The following RELL1 variants were observed in gnomAD, a reference collection of about 807,000 sequenced individuals.
The protein encoded by RELL1 is RELT-like protein 1.
Under a neutral mutation model 23.0 loss-of-function variants are expected in RELL1, and 10 were observed. That is an observed-to-expected ratio of 0.43 (90% CI 0.27 to 0.74). The LOEUF is 0.74. RELL1 is among the 30% of genes least tolerant of loss of function. The pLI is 0.19. For missense variants in RELL1, 315 were observed against 364.4 expected (o/e 0.86, Z 1.10); for synonymous variants, 146 against 146.8 (o/e 0.99, Z 0.04).
chr4:37,673,564 T>G (rs1199853873), intron 1 of RELL1, among the ~76,000 whole-genome samples: 1 of 152,224 alleles, frequency 6.6e-6, no homozygotes, highest in Admixed American at 6.5e-5. Context: ...AAATTGTTTC[T>G]ATCTGCATAT....
chr4:37,630,075 G>A (rs1285541059), intron 6 of RELL1, among the ~76,000 whole-genome samples: 1 of 152,064 alleles, frequency 6.6e-6, no homozygotes, highest in Non-Finnish European at 1.5e-5. Context: ...TGACTCCAGG[G>A]TTCATGTCAG....
At chr4:37,588,675 G>T, downstream of RELL1, 1 of 565,720 alleles carries the variant, frequency 1.8e-6, no homozygotes, top group Non-Finnish European at 3.2e-6. Flanking sequence ...GATGGAAATG[G>T]GGTATTCCTG....
chr4:37,591,139 T>C (rs1290333724), exon 7 of RELL1: 1 of 684,666 alleles, frequency 1.5e-6, no homozygotes, highest in Non-Finnish European at 2.4e-6. Flanking sequence ...GCATCTGTTC[T>C]GATTGTCAGC....
downstream of RELL1, chr4:37,589,941 A>G (rs1031638959): frequency 2.0e-4 from 144 of 737,476 alleles, no homozygotes; most frequent in Non-Finnish European, 1.5e-4. Flanking sequence ...TATACCAACT[A>G]TATCTATTTG....
intron 1 of RELL1, among the ~76,000 whole-genome samples, chr4:37,681,757 G>A (rs1333682483): frequency 6.6e-6 from 1 of 152,002 alleles, no homozygotes; most frequent in Non-Finnish European, 1.5e-5. Context: ...TTGAACTCCT[G>A]ACCTCGTGAT....
At chr4:37,627,566 T>A (rs1249166446) in intron 6 of RELL1, among the ~76,000 whole-genome samples, 3 of 152,076 alleles carry the variant, frequency 2.0e-5, no homozygotes, top group Non-Finnish European at 2.9e-5. Flanking sequence ...GGGGAGGCCA[T>A]GCCCAACATC....
intron 1 of RELL1, among the ~76,000 whole-genome samples, chr4:37,651,915 C>T (rs1035285260): frequency 2.0e-5 from 3 of 152,158 alleles, no homozygotes; most frequent in Admixed American, 1.3e-4. Flanking sequence ...TTCTTGGGTG[C>T]GCTACAAGAG....
intron 1 of RELL1, among the ~76,000 whole-genome samples, chr4:37,678,954 A>C (rs1004789352): frequency 2.6e-5 from 4 of 152,166 alleles, no homozygotes; most frequent in African/African-American, 9.7e-5. Context: ...GAAATGGGAG[A>C]TACCTGGCTG....
chr4:37,644,040 T>C (rs557296756), intron 3 of RELL1, among the ~76,000 whole-genome samples: 5 of 151,984 alleles, frequency 3.3e-5, no homozygotes, highest in Admixed American at 3.3e-4. Flanking sequence ...GAGAATAAGA[T>C]AGAAGGCAAA....
At chr4:37,617,891 G>A (rs1560330897) in intron 6 of RELL1, among the ~76,000 whole-genome samples, 1 of 152,164 alleles carries the variant, frequency 6.6e-6, no homozygotes, top group African/African-American at 2.4e-5. Context: ...TTTGCAGAGG[G>A]CTCTTGTAAT....
chr4:37,668,461 G>A (rs1577603712), intron 1 of RELL1, among the ~76,000 whole-genome samples: 1 of 152,046 alleles, frequency 6.6e-6, no homozygotes. Context: ...CGAGTGATCC[G>A]CCAGCCTCGG....
chr4:37,663,079 G>C (rs1208227870), intron 1 of RELL1, among the ~76,000 whole-genome samples: 1 of 152,144 alleles, frequency 6.6e-6, no homozygotes, highest in Admixed American at 6.5e-5. Context: ...ACATCAGTGG[G>C]GTCCTCAGAG....
chr4:37,680,348 C>T (rs561657492), intron 1 of RELL1, among the ~76,000 whole-genome samples: 18 of 152,230 alleles, frequency 1.2e-4, no homozygotes, highest in African/African-American at 4.3e-4. Context: ...TTTCAGGAAC[C>T]CATTTTCTGT....
chr4:37,662,710 G>C (rs1721397882), intron 1 of RELL1, among the ~76,000 whole-genome samples: 1 of 152,058 alleles, frequency 6.6e-6, no homozygotes, highest in South Asian at 2.1e-4. Context: ...TTTACCATTT[G>C]AAGTTATTTC....
At chr4:37,587,541 A>G (rs553787710), downstream of RELL1, among the ~76,000 whole-genome samples, 1 of 152,310 alleles carries the variant, frequency 6.6e-6, no homozygotes, top group Non-Finnish European at 1.5e-5. Flanking sequence ...AAATTCACCT[A>G]TGATTGAAAG....
intron 1 of RELL1, among the ~76,000 whole-genome samples, chr4:37,650,774 C>T (rs1335371535): frequency 7.4e-6 from 1 of 134,236 alleles, no homozygotes; most frequent in African/African-American, 2.9e-5. Flanking sequence ...TACAATGTGG[C>T]CAACTGAGAT....
At chr4:37,655,303 C>A (rs202046627) in intron 1 of RELL1, among the ~76,000 whole-genome samples, 1 of 151,786 alleles carries the variant, frequency 6.6e-6, no homozygotes, top group East Asian at 1.9e-4. Context: ...ATTTTGTCAC[C>A]CCCTCCTAAA....
intron 1 of RELL1, among the ~76,000 whole-genome samples, chr4:37,653,843 G>C (rs1177975171): frequency 6.6e-6 from 1 of 152,192 alleles, no homozygotes. Flanking sequence ...TCCCTGTGGA[G>C]AGAAAATAGC....
intron 1 of RELL1, among the ~76,000 whole-genome samples, chr4:37,650,375 T>C (rs1720880831): frequency 6.6e-6 from 1 of 152,212 alleles, no homozygotes; most frequent in Non-Finnish European, 1.5e-5. Context: ...ATTGAATGCA[T>C]GCCAGTTATG....
Sources: allele counts gnomAD v4.1 joint callset (sites outside exome capture counted in the v4.1 genomes callset), GRCh38; gene constraint gnomAD v4.1.1; transcripts MANE v1.5; gene names NCBI Gene and HGNC (gene_info 2026-07-23, HGNC 2026-07-21).